The following CLPX variants were observed in gnomAD, a reference collection of about 807,000 sequenced individuals.
CLPX encodes ATP-dependent clpX-like chaperone, mitochondrial.
CLPX carries 34 observed loss-of-function variants against 76.4 expected under a neutral mutation model. The observed-to-expected ratio is 0.45, with a 90% CI of 0.34 to 0.59. The LOEUF (loss-of-function observed/expected upper bound fraction) is 0.59. CLPX is among the 20% of genes least tolerant of loss of function. CLPX has a pLI of 0.01. For synonymous variants in CLPX, 248 were observed against 270.9 expected (o/e 0.92, Z 0.83); for missense variants, 613 against 757.0 (o/e 0.81, Z 2.23).
intron 1 of CLPX, among the ~76,000 whole-genome samples, chr15:65,181,322 T>G (rs1054843688): frequency 6.6e-6 from 1 of 152,142 alleles, no homozygotes; most frequent in African/African-American, 2.4e-5. Context: ...TGGAGAGTTA[T>G]TGTTGTAATG....
Position 65,179,032 on chromosome 15 carries a change from C to T in CLPX, c.260G>A (p.Ser87Asn). 1.9e-6 allele frequency: 3 copies of T among 1,609,208 alleles called. No individual in the cohort carries two copies. The highest frequency in any genetic ancestry group is 2.6e-6 in the Non-Finnish European group (3 of 1,176,312). ...ATTCCCAGAGCCTGATTTCTTACTA[C>T]TTCCCTCACTTGCTGATTTCTAACG... Reference protein sequence around the residue: ...DGNKKSASEGSSKKSGSGNSG... With the variant: ...DGNKKSASEGNSKKSGSGNSG... The change falls in exon 3 of 14, where the codon AGT (serine) becomes AAT (asparagine). Residue 87 changes from serine (S) to asparagine (N), a missense_variant. By Grantham distance (46) the Ser-to-Asn change is conservative. Coordinates refer to ENST00000300107, the MANE Select transcript of CLPX (RefSeq NM_006660.5).
At chr15:65,162,985 G>A (rs888600562) in intron 5 of CLPX, among the ~76,000 whole-genome samples, 5 of 151,886 alleles carry the variant, frequency 3.3e-5, no homozygotes, top group African/African-American at 9.7e-5. Context: ...ATTTATTACC[G>A]AGGAAAACAA....
At chr15:65,154,751 AAT>A in intron 11 of CLPX, 29 bp downstream of exon 11, 1 of 1,524,694 alleles carries the variant, frequency 6.6e-7, no homozygotes, top group Non-Finnish European at 8.9e-7. Flanking sequence ...GAAAATAAAA[AAT>A]AACTAAGTAC....
At chr15:65,182,104 CAG>C (rs2088182265) in intron 1 of CLPX, among the ~76,000 whole-genome samples, 2 of 140,418 alleles carry the variant, frequency 1.4e-5, no homozygotes, top group South Asian at 4.4e-4. Context: ...GCTTAAGCAA[CAG>C]AGTCTCCGTC....
At chr15:65,175,789 T>G (rs149432617) in intron 3 of CLPX, among the ~76,000 whole-genome samples, 1 of 152,276 alleles carries the variant, frequency 6.6e-6, no homozygotes, top group East Asian at 1.9e-4. Flanking sequence ...TAAAACTCTC[T>G]TTAGGACTAT....
At chr15:65,173,649 T>C (rs949248100) in intron 3 of CLPX, among the ~76,000 whole-genome samples, 1 of 152,276 alleles carries the variant, frequency 6.6e-6, no homozygotes, top group South Asian at 2.1e-4. Flanking sequence ...ACAATGTAAA[T>C]GTCCACCACC....
chr15:65,151,719 A>C (rs2087723292), intron 13 of CLPX, among the ~76,000 whole-genome samples: 1 of 152,226 alleles, frequency 6.6e-6, no homozygotes, highest in South Asian at 2.1e-4. Flanking sequence ...CTCTCTGGAT[A>C]ACTAAGGTTG....
At position 65,152,306 on chromosome 15, in the gene CLPX, GATT is replaced by G. The variant is rs1357887329; in HGVS notation, c.1811+121_1811+123del. The G allele has an allele frequency of 2.8e-5, 11 of 393,758 alleles. No individual in the cohort carries two copies. In the East Asian group the frequency reaches 4.3e-4, roughly 15 times the overall value. The allele number at this position is 393,758 out of a possible 1,614,324, so 24.4% of individuals were successfully genotyped here. A position where few individuals can be genotyped will look rare whatever the true frequency, so the allele number is the denominator to read the frequency against. ...TTAGATTTTTCTACAGAAAACTTGAGATTATTGCTTCCCTTAGAAATATAATAA... is the reference window on the plus strand; with the variant it reads ...TTAGATTTTTCTACAGAAAACTTGAGATTGCTTCCCTTAGAAATATAATAA... On this transcript the variant is annotated intron_variant, in intron 13 of 13. Transcript: ENST00000300107.
chr15:65,184,935 G>A, intron 1 of CLPX, 140 bp downstream of exon 1: 3 of 703,884 alleles, frequency 4.3e-6, no homozygotes, highest in Admixed American at 4.9e-5. Flanking sequence ...GAAAGTGGTG[G>A]GTGCCGGGCG....
intron 3 of CLPX, among the ~76,000 whole-genome samples, chr15:65,177,289 A>C (rs1222293466): frequency 6.6e-6 from 1 of 151,988 alleles, no homozygotes; most frequent in African/African-American, 2.4e-5. Flanking sequence ...GGCTGGTCTC[A>C]AGCTCCTGAC....
At position 65,185,069 on chromosome 15, in the gene CLPX, C is replaced by T; in HGVS notation, c.79+6G>A. ...TGAGGGCTCAGGAGTGGCACTATTT[C>T]GTTACCTCTCTGCGCGGAGGCGAGT... On this transcript the variant is annotated splice_donor_region_variant and intron_variant, in intron 1 of 13. Coordinates refer to ENST00000300107, the MANE Select transcript of CLPX (RefSeq NM_006660.5). The T allele has an allele frequency of 6.5e-7, 1 of 1,549,476 alleles. No homozygotes were observed. Among genetic ancestry groups the T allele is most frequent in the East Asian group, 2.4e-5 (1 of 41,190 alleles).
chr15:65,155,613 C>A, intron 10 of CLPX, 79 bp downstream of exon 10: 1 of 1,189,616 alleles, frequency 8.4e-7, no homozygotes, highest in South Asian at 1.4e-5. Context: ...ACTGGTAGCC[C>A]GCAGATATGA....
chr15:65,156,824 C>T lies in CLPX; in HGVS notation c.1146+20G>A, dbSNP rs770303593. 29 of 1,562,282 alleles carry T rather than the reference C, an allele frequency of 1.9e-5. No individual in the cohort carries two copies. Among genetic ancestry groups the T allele is most frequent in the Middle Eastern group, 3.4e-4 (2 of 5,954 alleles). Reference sequence around the variant, plus strand: ...TTCCCTTCCTTTTAGTGGGCTTGAACAAAATACTCAACTGCTTACTTGCTG... The same window carrying T: ...TTCCCTTCCTTTTAGTGGGCTTGAATAAAATACTCAACTGCTTACTTGCTG... On this transcript the variant is annotated intron_variant, in intron 9 of 13. Transcript: ENST00000300107.
At chr15:65,175,541 T>G (rs1279554780) in intron 3 of CLPX, among the ~76,000 whole-genome samples, 1 of 151,864 alleles carries the variant, frequency 6.6e-6, no homozygotes, top group East Asian at 1.9e-4. Context: ...ACAGGCTGAG[T>G]TATCCCTTAA....
intron 7 of CLPX, 73 bp downstream of exon 7, chr15:65,158,502 A>G (rs897522129): frequency 7.8e-7 from 1 of 1,274,936 alleles, no homozygotes; most frequent in African/African-American, 1.5e-5. Flanking sequence ...TTCAATCGCA[A>G]GATACAGGTT....
At chr15:65,154,735 T>A (rs780331680) in intron 11 of CLPX, 47 bp downstream of exon 11, 2 of 1,440,556 alleles carry the variant, frequency 1.4e-6, no homozygotes, top group Non-Finnish European at 1.9e-6. Context: ...AGAATTTCAA[T>A]AGCAAGAAAA....
intron 12 of CLPX, 118 bp downstream of exon 12, chr15:65,153,425 CTTTA>C (rs2087749097): frequency 3.0e-6 from 2 of 677,924 alleles, no homozygotes; most frequent in South Asian, 1.8e-5. Context: ...CACTGCACTC[CTTTA>C]TTTGAGACTC....
In CLPX at chr15:65,180,074, T is replaced by C. The variant is rs1311718275; in HGVS notation, c.210A>G (p.Ile70Met). The change falls in exon 2 of 14, where the codon ATA becomes ATG. Residue 70 changes from isoleucine (I) to methionine (M), a missense_variant. By Grantham distance (10) the Ile-to-Met change is conservative. Coordinates refer to ENST00000300107, the MANE Select transcript of CLPX (RefSeq NM_006660.5). ...TTCCATCTCCAGAACCATCTTTACT[T>C]ATCCCATCTTTTGAGGCAAAGTATG... ...TPAYFASKDGISKDGSGDGNK... is the reference protein window; with the variant it reads ...TPAYFASKDGMSKDGSGDGNK... 3 of 1,611,002 alleles carry C rather than the reference T, an allele frequency of 1.9e-6. No individual in the cohort carries two copies. In the African/African-American group the frequency reaches 4.0e-5, roughly 22 times the overall value.
intron 13 of CLPX, among the ~76,000 whole-genome samples, chr15:65,151,941 AT>A (rs1465291687): frequency 6.6e-6 from 1 of 151,960 alleles, no homozygotes; most frequent in Admixed American, 6.6e-5. Flanking sequence ...TTTTTTATAT[AT>A]TTTTTGAGAC....
Sources: allele counts gnomAD v4.1 joint callset (sites outside exome capture counted in the v4.1 genomes callset), GRCh38; gene constraint gnomAD v4.1.1; transcripts MANE v1.5; gene names NCBI Gene and HGNC (gene_info 2026-07-23, HGNC 2026-07-21).